FBXW8: variants seen among roughly 807,000 people sequenced by gnomAD.
The protein encoded by FBXW8 is F-box and WD repeat domain containing 8, also known as F-box/WD repeat-containing protein 8.
Under a neutral mutation model 65.3 loss-of-function variants are expected in FBXW8, and 57 were observed. The observed-to-expected ratio is 0.87, with a 90% CI of 0.71 to 1.09. The LOEUF is 1.09. Among genes scored for constraint, FBXW8 ranks in the 50% least tolerant of loss-of-function variants. The pLI, the probability that FBXW8 is intolerant of heterozygous loss-of-function variation, is 0.00. For missense variants in FBXW8, 777 were observed against 814.8 expected (o/e 0.95, Z 0.57); for synonymous variants, 308 against 330.2 (o/e 0.93, Z 0.73).
chr12:116,951,695 T>C (rs1204951009), intron 4 of FBXW8, among the ~76,000 whole-genome samples: 1 of 152,240 alleles, frequency 6.6e-6, no homozygotes, highest in Admixed American at 6.5e-5. Flanking sequence ...CAGCTCTCTA[T>C]GTAAATATTC....
At chr12:116,953,779 A>T (rs1883440378) in intron 4 of FBXW8, among the ~76,000 whole-genome samples, 1 of 150,110 alleles carries the variant, frequency 6.7e-6, no homozygotes, top group South Asian at 2.1e-4. Flanking sequence ...TCTCAAAAAA[A>T]AAAGACAAAA....
chr12:116,998,189 T>G (rs1198720197), intron 7 of FBXW8, among the ~76,000 whole-genome samples: 3 of 152,218 alleles, frequency 2.0e-5, no homozygotes, highest in African/African-American at 7.2e-5. Context: ...CATGCAGAAC[T>G]AATGGAATAA....
chr12:116,913,609 T>G (rs577622299), intron 1 of FBXW8, among the ~76,000 whole-genome samples: 99 of 152,328 alleles, frequency 6.5e-4, no homozygotes, highest in Non-Finnish European at 1.1e-3. Context: ...ATTGCCTTCA[T>G]GCTGGGTAGG....
intron 4 of FBXW8, among the ~76,000 whole-genome samples, chr12:116,953,397 C>T (rs1592881669): frequency 6.6e-6 from 1 of 152,202 alleles, no homozygotes; most frequent in Non-Finnish European, 1.5e-5. Flanking sequence ...CTGCCGTTTC[C>T]AGCCCTCATT....
At chr12:116,920,210 C>T (rs905588683) in intron 1 of FBXW8, among the ~76,000 whole-genome samples, 5 of 152,156 alleles carry the variant, frequency 3.3e-5, no homozygotes, top group African/African-American at 9.7e-5. Flanking sequence ...TCATGTTATT[C>T]GTGAATTAGC....
In FBXW8 at chr12:116,954,710, G is replaced by T. The variant is rs78933799; in HGVS notation, c.677+5004G>T. ...GCAGAATTACTGGATTTAGGGGAATGAATTTTTATTTTCCAGATTAATAAA... is the reference window on the plus strand; with the variant it reads ...GCAGAATTACTGGATTTAGGGGAATTAATTTTTATTTTCCAGATTAATAAA... On this transcript the variant is annotated intron_variant, in intron 4 of 10. Coordinates refer to ENST00000652555, the MANE Select transcript of FBXW8 (RefSeq NM_153348.3). 8.2e-3 allele frequency among the ~76,000 whole-genome samples: 1,255 copies of T among 152,282 alleles called. 56 individuals carry two copies. In the South Asian group the frequency reaches 0.1, roughly 13 times the overall value.
intron 1 of FBXW8, among the ~76,000 whole-genome samples, chr12:116,926,392 G>A (rs992405002): frequency 1.3e-4 from 20 of 152,168 alleles, no homozygotes; most frequent in Admixed American, 1.2e-3. Flanking sequence ...AAGAAAGCAG[G>A]AGGAAGACCA....
At position 116,949,657 on chromosome 12, in the gene FBXW8, G is replaced by C. The variant is rs145405264; in HGVS notation, c.628G>C (p.Asp210His). 43 of 1,614,098 alleles carry C rather than the reference G, an allele frequency of 2.7e-5. No individual in the cohort carries two copies. The highest frequency in any genetic ancestry group is 3.4e-5 in the Non-Finnish European group (40 of 1,180,050). ...GAVSELEHVPDTVLCDVHSHD... is the reference protein window; with the variant it reads ...GAVSELEHVPHTVLCDVHSHD... ...CGTGAGCGAGCTGGAGCATGTTCCT[G>C]ACACAGTTTTGTGTGATGTGCATTC... The change falls in exon 4 of 11, where the codon GAC becomes CAC. Residue 210 changes from aspartate (D) to histidine (H), a missense_variant. Coordinates refer to ENST00000652555, the MANE Select transcript of FBXW8 (RefSeq NM_153348.3).
chr12:116,996,269 C>T (rs1309963248), intron 7 of FBXW8, among the ~76,000 whole-genome samples: 3 of 152,234 alleles, frequency 2.0e-5, no homozygotes, highest in African/African-American at 7.2e-5. Context: ...CTTGGCGCTG[C>T]TGCCTCAGCT....
chr12:116,990,576 G>C (rs1953215520), intron 7 of FBXW8, among the ~76,000 whole-genome samples: 2 of 152,124 alleles, frequency 1.3e-5, no homozygotes, highest in South Asian at 4.1e-4. Flanking sequence ...AGAGGTGATA[G>C]TTATATTCAG....
chr12:116,937,916 T>C (rs1346842033), intron 2 of FBXW8, among the ~76,000 whole-genome samples: 1 of 152,124 alleles, frequency 6.6e-6, no homozygotes, highest in Non-Finnish European at 1.5e-5. Flanking sequence ...GAGACACTTT[T>C]ATTAGCAAGT....
intron 2 of FBXW8, among the ~76,000 whole-genome samples, chr12:116,934,491 G>A (rs895342925): frequency 3.3e-5 from 5 of 152,134 alleles, no homozygotes; most frequent in South Asian, 2.1e-4. Context: ...TTTTTTAGTC[G>A]ATAACAATGA....
chr12:116,964,823 C>A lies in FBXW8; in HGVS notation c.804C>A (p.Asn268Lys). The A allele has an allele frequency of 6.2e-7, 1 of 1,612,062 alleles. No individual in the cohort carries two copies. Among genetic ancestry groups the A allele is most frequent in the Non-Finnish European group, 8.5e-7 (1 of 1,179,382 alleles). Residue 268 changes from asparagine to lysine, a missense_variant, in exon 5 of 11, where the codon AAC (asparagine) becomes AAA (lysine). Physicochemically the swap from Asn to Lys is moderately conservative, Grantham distance 94. Transcript: ENST00000652555. The part of the protein sequence containing the change: ...MQPNVSFVRI[N>K]SSLAVAAYED... ...CAAATGTCTCCTTTGTGAGGATAAA[C>A]AGCTCGTTGGCAGTAGCAGCTTATG...
intron 2 of FBXW8, among the ~76,000 whole-genome samples, chr12:116,929,580 C>T (rs1881610739): frequency 6.6e-6 from 1 of 152,052 alleles, no homozygotes; most frequent in Non-Finnish European, 1.5e-5. Context: ...TTTAAATGGA[C>T]AAATAAAGTT....
chr12:116,929,344 C>T (rs960727266), intron 2 of FBXW8, among the ~76,000 whole-genome samples: 29 of 152,172 alleles, frequency 1.9e-4, no homozygotes, highest in African/African-American at 7.0e-4. Context: ...AAGCTATTCT[C>T]TTGCCTCAGC....
rs1954258118 is a variant in FBXW8, at chr12:117,027,408, A to G, written c.1556A>G (p.His519Arg). ...CTGCCTTCCAGGCACCCGGTGCAGC[A>G]CATCTCATTCAGCAGCCACAGCCTC... ...WEVYSGHPVQHISFSSHSLIT... is the reference protein window; with the variant it reads ...WEVYSGHPVQRISFSSHSLIT... The change falls in exon 10 of 11, where the codon CAC (histidine) becomes CGC (arginine). Residue 519 changes from histidine (H) to arginine (R), a missense_variant. Coordinates refer to ENST00000652555, the MANE Select transcript of FBXW8 (RefSeq NM_153348.3). The G allele has an allele frequency of 1.9e-6, 3 of 1,613,888 alleles. No homozygotes were observed. The highest frequency in any genetic ancestry group is 1.3e-5 in the African/African-American group (1 of 74,912).
intron 5 of FBXW8, among the ~76,000 whole-genome samples, chr12:116,967,345 C>T (rs1046034860): frequency 6.6e-6 from 1 of 152,132 alleles, no homozygotes; most frequent in East Asian, 1.9e-4. Flanking sequence ...GAAAACAGTG[C>T]TGCAAGCAAT....
intron 7 of FBXW8, among the ~76,000 whole-genome samples, chr12:117,006,689 G>C (rs1454096235): frequency 6.6e-6 from 1 of 152,230 alleles, no homozygotes; most frequent in Non-Finnish European, 1.5e-5. Flanking sequence ...ACAGCTGACG[G>C]TCAGGCCCCA....
chr12:116,942,498 C>G (rs1324219315), intron 2 of FBXW8, among the ~76,000 whole-genome samples: 2 of 151,488 alleles, frequency 1.3e-5, no homozygotes, highest in East Asian at 3.9e-4. Flanking sequence ...CCTCAGCCTC[C>G]CGAGTAGCTG....
Sources: gnomAD v4.1 joint callset for allele counts (sites outside exome capture counted in the v4.1 genomes callset) on GRCh38, gnomAD v4.1.1 for gene constraint, MANE v1.5 for transcripts, NCBI Gene and HGNC (gene_info 2026-07-23, HGNC 2026-07-21) for gene names.